The following SEC24D variants were observed in gnomAD, a reference collection of about 807,000 sequenced individuals.
SEC24D encodes the protein protein transport protein Sec24D.
SEC24D carries 69 observed loss-of-function variants against 116.9 expected under a neutral mutation model. That is an observed-to-expected ratio of 0.59 (90% CI 0.49 to 0.72). The LOEUF is 0.72. Ranked by LOEUF, SEC24D falls within the 30% of genes least tolerant of loss-of-function variation. SEC24D has a pLI of 0.00. For missense variants in SEC24D, 1,131 were observed against 1,264.1 expected (o/e 0.89, Z 1.60); for synonymous variants, 405 against 442.8 (o/e 0.91, Z 1.07).
chr4:118,754,946 A>T (rs1320768209), intron 11 of SEC24D, among the ~76,000 whole-genome samples: 4 of 152,166 alleles, frequency 2.6e-5, no homozygotes, highest in Non-Finnish European at 4.4e-5. Context: ...CATAAAAGAA[A>T]ATCTACAGAG....
At chr4:118,732,598 C>T (rs1725747789) in intron 20 of SEC24D, 135 bp downstream of exon 20, 2 of 814,332 alleles carry the variant, frequency 2.5e-6, no homozygotes. Context: ...AATCCCACAC[C>T]ATATATTTTG....
intron 22 of SEC24D, among the ~76,000 whole-genome samples, chr4:118,725,398 C>T (rs1481912390): frequency 6.6e-6 from 1 of 152,164 alleles, no homozygotes; most frequent in African/African-American, 2.4e-5. Flanking sequence ...CCACCCTCTC[C>T]CACATGCCAC....
At chr4:118,758,635 C>T (rs936556698) in intron 10 of SEC24D, 3 of 152,012 alleles carry the variant, frequency 2.0e-5, no homozygotes, top group Non-Finnish European at 2.9e-5. Context: ...GACCTACATA[C>T]GGAATAAAGA....
At chr4:118,807,751 C>T (rs748229626) in intron 6 of SEC24D, among the ~76,000 whole-genome samples, 5 of 152,146 alleles carry the variant, frequency 3.3e-5, no homozygotes, top group Non-Finnish European at 7.3e-5. Context: ...ACAGATTTAG[C>T]CTGCCTTTAA....
intron 22 of SEC24D, among the ~76,000 whole-genome samples, chr4:118,727,373 A>G (rs1205002046): frequency 6.6e-6 from 1 of 152,166 alleles, no homozygotes; most frequent in Non-Finnish European, 1.5e-5. Flanking sequence ...CAAAGCTGAC[A>G]TAACTTTGAT....
At chr4:118,740,491 G>A (rs1401319951) in intron 17 of SEC24D, among the ~76,000 whole-genome samples, 172 bp downstream of exon 17, 1 of 152,144 alleles carries the variant, frequency 6.6e-6, no homozygotes, top group Non-Finnish European at 1.5e-5. Flanking sequence ...ATATGAATGA[G>A]TATGGAGAAA....
At chr4:118,773,950 T>C (rs1432052482) in intron 8 of SEC24D, among the ~76,000 whole-genome samples, 3 of 152,018 alleles carry the variant, frequency 2.0e-5, no homozygotes, top group African/African-American at 2.4e-5. Flanking sequence ...TGAAAGAATA[T>C]TTTCTGAATT....
rs1224863331 is a variant in SEC24D at position 118,796,399 on chromosome 4, T to A, written c.1041+1284A>T. Among the ~76,000 whole-genome samples, 5 of 152,250 alleles carry A rather than the reference T, an allele frequency of 3.3e-5. No homozygotes were observed. In the East Asian group the frequency reaches 9.6e-4, roughly 29 times the overall value. ...TGGAAGAGACTATGGTTAAAATATG[T>A]AAAGGAGATACTGAATGTACATCTT... is the stretch of plus-strand genomic sequence containing the variant. On this transcript the variant is annotated intron_variant, in intron 8 of 22. Transcript: ENST00000280551.
At chr4:118,816,810 T>C (rs1553930698) in intron 4 of SEC24D, 1 of 455,994 alleles carries the variant, frequency 2.2e-6, no homozygotes, top group African/African-American at 2.0e-5. Flanking sequence ...TATCTTCTCT[T>C]TTCTGCCTCA....
chr4:118,802,042 C>A (rs1729466420), intron 7 of SEC24D, among the ~76,000 whole-genome samples: 1 of 152,300 alleles, frequency 6.6e-6, no homozygotes, highest in Middle Eastern at 3.4e-3. Flanking sequence ...TCTGGCTTCA[C>A]AATCTAGTTG....
Position 118,728,574 on chromosome 4 carries a change from G to T in SEC24D, c.2945C>A (p.Pro982Gln). The T allele has an allele frequency of 6.3e-7, 1 of 1,597,722 alleles. No individual in the cohort carries two copies. Among genetic ancestry groups the T allele is most frequent in the Non-Finnish European group, 8.5e-7 (1 of 1,170,230 alleles). Residue 982 changes from proline (P) to glutamine (Q), a missense_variant, in exon 22 of 23, where the codon CCA becomes CAA. Physicochemically the swap from Pro to Gln is moderately conservative, Grantham distance 76. Coordinates refer to ENST00000280551, the MANE Select transcript of SEC24D (RefSeq NM_014822.4). ...TTGCTTTCTTACCTTCATTGAATATGGCCTCTTTTGTTGGATAATACCCAT... is the reference window on the plus strand; with the variant it reads ...TTGCTTTCTTACCTTCATTGAATATTGCCTCTTTTGTTGGATAATACCCAT... ...MIMGIIQQKRPYSMKLTIVKQ... is the reference protein window; with the variant it reads ...MIMGIIQQKRQYSMKLTIVKQ...
intron 11 of SEC24D, among the ~76,000 whole-genome samples, chr4:118,754,282 T>G (rs908101781): frequency 6.6e-6 from 1 of 152,052 alleles, no homozygotes; most frequent in Non-Finnish European, 1.5e-5. Context: ...ACCTCAATTA[T>G]CCTAAATGGT....
chr4:118,746,920 T>A (rs1030338558), intron 13 of SEC24D, among the ~76,000 whole-genome samples: 1 of 152,078 alleles, frequency 6.6e-6, no homozygotes. Context: ...GCTGACACAC[T>A]GAGAAGGGGT....
At chr4:118,791,066 TAGC>T (rs1160226602) in intron 8 of SEC24D, among the ~76,000 whole-genome samples, 1 of 152,062 alleles carries the variant, frequency 6.6e-6, no homozygotes, top group Admixed American at 6.6e-5. Context: ...ATATCTAAAA[TAGC>T]AGCATGTCCC....
chr4:118,801,229 T>A (rs984529260), intron 7 of SEC24D, among the ~76,000 whole-genome samples: 8 of 148,976 alleles, frequency 5.4e-5, no homozygotes, highest in Non-Finnish European at 1.2e-4. Flanking sequence ...GCCACTGTAC[T>A]CCAGCCTGGG....
At chr4:118,803,148 T>C (rs1729521235) in intron 7 of SEC24D, among the ~76,000 whole-genome samples, 1 of 152,176 alleles carries the variant, frequency 6.6e-6, no homozygotes, top group Admixed American at 6.5e-5. Flanking sequence ...TGGGATGATT[T>C]TTTTTACAGT....
chr4:118,741,150 TA>T (rs906465040), intron 15 of SEC24D, 113 bp from the exon 16 acceptor site: 16 of 546,392 alleles, frequency 2.9e-5, no homozygotes, highest in African/African-American at 7.7e-5. Context: ...CGATTTAGCA[TA>T]TTTTTTTATT....
intron 17 of SEC24D, among the ~76,000 whole-genome samples, chr4:118,740,126 G>A (rs971901787): frequency 1.3e-5 from 2 of 152,054 alleles, no homozygotes; most frequent in Admixed American, 6.6e-5. Flanking sequence ...TTGGATATAG[G>A]CATGTAACAG....
chr4:118,769,496 C>A (rs1727798824), intron 8 of SEC24D, among the ~76,000 whole-genome samples: 1 of 152,068 alleles, frequency 6.6e-6, no homozygotes, highest in Non-Finnish European at 1.5e-5. Flanking sequence ...AAGCAGACTG[C>A]TTTTGAACGG....
Sources: allele counts gnomAD v4.1 joint callset (sites outside exome capture counted in the v4.1 genomes callset), GRCh38; gene constraint gnomAD v4.1.1; transcripts MANE v1.5; gene names NCBI Gene and HGNC (gene_info 2026-07-23, HGNC 2026-07-21).